Variants in BAHD1 observed in about 807,000 individuals in gnomAD.
BAHD1 encodes the protein bromo adjacent homology domain containing 1, also known as bromo adjacent homology domain-containing 1 protein.
BAHD1 carries 20 observed loss-of-function variants against 63.1 expected under a neutral mutation model. That is an observed-to-expected ratio of 0.32 (90% CI 0.22 to 0.46). BAHD1 has a LOEUF of 0.46. Among genes scored for constraint, BAHD1 ranks in the 20% least tolerant of loss-of-function variants. The probability of loss-of-function intolerance (pLI) is 1.00; values close to 1 mark genes in which losing one functional copy is unlikely to be tolerated. For synonymous variants in BAHD1, 408 were observed against 426.8 expected (o/e 0.96, Z 0.54); for missense variants, 939 against 1,071.8 (o/e 0.88, Z 1.73).
At chr15:40,452,315 T>C (rs1893730205) in intron 1 of BAHD1, among the ~76,000 whole-genome samples, 1 of 152,218 alleles carries the variant, frequency 6.6e-6, no homozygotes, top group Non-Finnish European at 1.5e-5. Flanking sequence ...CCTTGCAACT[T>C]TGTGCTGTGG....
At chr15:40,439,028 G>A (rs1893332869), upstream of BAHD1, among the ~76,000 whole-genome samples, 1 of 152,202 alleles carries the variant, frequency 6.6e-6, no homozygotes, top group African/African-American at 2.4e-5. Context: ...AGGGAGAGGG[G>A]GAATTCTGTG....
intron 1 of BAHD1, among the ~76,000 whole-genome samples, chr15:40,446,782 C>A (rs959140884): frequency 6.6e-5 from 10 of 152,140 alleles, no homozygotes; most frequent in African/African-American, 2.2e-4. Flanking sequence ...CTTTGACCTC[C>A]TGTCTTTGGG....
At position 40,462,616 on chromosome 15, in the gene BAHD1, T is replaced by C. The variant is rs558099382; in HGVS notation, c.1815+322T>C. ...CCCTGGATTGTAAAGTGGAGGACTT[T>C]CAATGGAGAACTTTTCTGGATAAGT... is the stretch of plus-strand genomic sequence containing the variant. On this transcript the variant is annotated intron_variant, in intron 3 of 6. Transcript: ENST00000416165. Among the ~76,000 whole-genome samples the C allele has an allele frequency of 1.1e-4, 16 of 152,208 alleles. No individual in the cohort carries two copies. In the South Asian group the frequency reaches 1.9e-3, roughly 18 times the overall value.
At chr15:40,455,748 A>T (rs1893831326) in intron 1 of BAHD1, among the ~76,000 whole-genome samples, 1 of 152,308 alleles carries the variant, frequency 6.6e-6, no homozygotes. Context: ...CCCTCTGGTA[A>T]CTTGGGGCCT....
At chr15:40,464,854 G>A (rs1468770444) in intron 5 of BAHD1, 2 of 455,070 alleles carry the variant, frequency 4.4e-6, no homozygotes, top group Non-Finnish European at 8.0e-6. Flanking sequence ...AAGGTGAGGT[G>A]GAGCTGCATA....
intron 2 of BAHD1, among the ~76,000 whole-genome samples, chr15:40,461,627 G>A (rs1425981784): frequency 6.6e-6 from 1 of 151,518 alleles, no homozygotes; most frequent in Non-Finnish European, 1.5e-5. Context: ...GCAACAGAGC[G>A]AGACTCTGTC....
At position 40,463,914 on chromosome 15, in the gene BAHD1, G is replaced by A. The variant is rs768973571; in HGVS notation, c.1869G>A (p.Gly623=). Reference sequence around the variant, plus strand: ...GCTACCAGGCGGTAGAGCGGCATGGGGAGACAATCCGAGTCCGGGACACCG... The same window carrying A: ...GCTACCAGGCGGTAGAGCGGCATGGAGAGACAATCCGAGTCCGGGACACCG... ...RKSYQAVERH[G]ETIRVRDTVL... The change falls in exon 4 of 7, where the codon GGG becomes GGA. Residue 623 remains glycine (G), a synonymous_variant. Transcript: ENST00000416165. 2 of 1,614,216 alleles carry A rather than the reference G, an allele frequency of 1.2e-6. No homozygotes were observed. Among genetic ancestry groups the A allele is most frequent in the Admixed American group, 1.7e-5 (1 of 60,020 alleles).
At chr15:40,455,614 G>C (rs1208733583) in intron 1 of BAHD1, among the ~76,000 whole-genome samples, 1 of 152,206 alleles carries the variant, frequency 6.6e-6, no homozygotes, top group African/African-American at 2.4e-5. Flanking sequence ...AGCCAGGCCT[G>C]ACAGCACCTC....
Position 40,466,167 on chromosome 15 carries a change from G to A in BAHD1, c.*37G>A, listed in dbSNP as rs1894199288. 1 of 1,595,972 alleles carries A rather than the reference G, an allele frequency of 6.3e-7. No homozygotes were observed. The highest frequency in any genetic ancestry group is 8.5e-7 in the Non-Finnish European group (1 of 1,169,624). ...CCATGCTGGGGCTACCCATGGGCAA[G>A]TGGGGCTCGGGGTAGGGGGCACTGC... On this transcript the variant is annotated 3_prime_UTR_variant, in exon 7 of 7. Transcript: ENST00000416165.
chr15:40,441,624 C>T (rs1430662627), intron 1 of BAHD1, among the ~76,000 whole-genome samples: 1 of 145,128 alleles, frequency 6.9e-6, no homozygotes, highest in Non-Finnish European at 1.5e-5. Flanking sequence ...GCGGCGGCGG[C>T]GCGGGCGTCC....
chr15:40,464,909 G>A (rs950730876), intron 5 of BAHD1: 1 of 382,574 alleles, frequency 2.6e-6, no homozygotes, highest in African/African-American at 2.0e-5. Flanking sequence ...GGGGAGGGGA[G>A]GAAAGACTCC....
chr15:40,464,904 G>A (rs1026327313), intron 5 of BAHD1: 1 of 383,886 alleles, frequency 2.6e-6, no homozygotes, highest in Non-Finnish European at 4.8e-6. Flanking sequence ...GGGGAGGGGA[G>A]GGGAGGAAAG....
At chr15:40,452,358 A>G (rs1263725072) in intron 1 of BAHD1, among the ~76,000 whole-genome samples, 1 of 152,240 alleles carries the variant, frequency 6.6e-6, no homozygotes, top group African/African-American at 2.4e-5. Flanking sequence ...GGGTGCCTCC[A>G]CTGAAGCCTC....
At chr15:40,438,613 G>C (rs553263225), upstream of BAHD1, among the ~76,000 whole-genome samples, 132 of 152,054 alleles carry the variant, frequency 8.7e-4, no homozygotes, top group Non-Finnish European at 1.6e-3. Context: ...TCTCCGGTTG[G>C]TATTCCTTCC....
At chr15:40,445,269 AAAAAAAAC>A (rs1207168678) in intron 1 of BAHD1, among the ~76,000 whole-genome samples, 13 of 151,268 alleles carry the variant, frequency 8.6e-5, no homozygotes, top group African/African-American at 3.2e-4. Flanking sequence ...AAAAAAAAAA[AAAAAAAAC>A]AACCCTTTCA....
chr15:40,449,189 T>G (rs1207579965), intron 1 of BAHD1, among the ~76,000 whole-genome samples: 3 of 152,168 alleles, frequency 2.0e-5, no homozygotes, highest in Non-Finnish European at 4.4e-5. Context: ...ATAAGGCTGT[T>G]GGGAAGATAA....
chr15:40,437,506 A>G (rs1427806834), upstream of BAHD1, among the ~76,000 whole-genome samples: 1 of 152,088 alleles, frequency 6.6e-6, no homozygotes, highest in Non-Finnish European at 1.5e-5. Flanking sequence ...TGCCGCATTT[A>G]ATTGTTGCCT....
At chr15:40,464,282 C>T (rs1161687172) in intron 4 of BAHD1, 189 bp from the exon 5 acceptor site, 16 of 651,274 alleles carry the variant, frequency 2.5e-5, no homozygotes, top group Non-Finnish European at 4.0e-5. Flanking sequence ...AGTGCCTTCT[C>T]CCCCTTCTCC....
At chr15:40,438,595 C>G (rs968765520), upstream of BAHD1, among the ~76,000 whole-genome samples, 2 of 152,144 alleles carry the variant, frequency 1.3e-5, no homozygotes, top group African/African-American at 4.8e-5. Flanking sequence ...CATGACTACT[C>G]TGCCTCCTCT....
Sources: allele counts gnomAD v4.1 joint callset (sites outside exome capture counted in the v4.1 genomes callset), GRCh38; gene constraint gnomAD v4.1.1; transcripts MANE v1.5; gene names NCBI Gene and HGNC (gene_info 2026-07-23, HGNC 2026-07-21).